Variants in ELMO1 observed in about 807,000 individuals in gnomAD.
The protein encoded by ELMO1 is engulfment and cell motility 1, also known as engulfment and cell motility protein 1.
ELMO1 carries 26 observed loss-of-function variants against 98.9 expected under a neutral mutation model. The observed-to-expected ratio is 0.26, with a 90% CI of 0.19 to 0.36. The LOEUF (loss-of-function observed/expected upper bound fraction) is 0.36. Among genes scored for constraint, ELMO1 ranks in the 10% least tolerant of loss-of-function variants. The pLI, the probability that ELMO1 is intolerant of heterozygous loss-of-function variation, is 1.00. For missense variants in ELMO1, 627 were observed against 935.2 expected (o/e 0.67, Z 4.30); for synonymous variants, 346 against 346.0 (o/e 1.00, Z 0.00).
chr7:37,392,503 T>C (rs952637345), intron 1 of ELMO1, among the ~76,000 whole-genome samples: 2 of 152,196 alleles, frequency 1.3e-5, no homozygotes, highest in African/African-American at 4.8e-5. Flanking sequence ...GAAGCAGAGG[T>C]GGCCAACCAT....
intron 1 of ELMO1, among the ~76,000 whole-genome samples, chr7:37,362,617 C>T (rs1213462585): frequency 6.6e-6 from 1 of 152,090 alleles, no homozygotes; most frequent in Non-Finnish European, 1.5e-5. Context: ...CTTCCTTCTT[C>T]CCTCCCTCCC....
chr7:37,433,938 C>A (rs2131571740), intron 1 of ELMO1, among the ~76,000 whole-genome samples: 1 of 152,272 alleles, frequency 6.6e-6, no homozygotes, highest in Admixed American at 6.5e-5. Context: ...GTCCCCGAAC[C>A]TCATCTGGGA....
chr7:37,273,880 C>T (rs1019107031), intron 4 of ELMO1, among the ~76,000 whole-genome samples: 14 of 152,198 alleles, frequency 9.2e-5, no homozygotes, highest in African/African-American at 2.4e-4. Context: ...CCAATTCTGA[C>T]GATTTTTTGG....
intron 18 of ELMO1, among the ~76,000 whole-genome samples, chr7:36,883,370 C>A (rs1259006783): frequency 6.6e-6 from 1 of 152,166 alleles, no homozygotes; most frequent in East Asian, 1.9e-4. Context: ...AGTTCTTGAG[C>A]CTACAGATTC....
chr7:37,195,689 TCTC>T (rs1791923991), intron 13 of ELMO1, among the ~76,000 whole-genome samples: 1 of 152,182 alleles, frequency 6.6e-6, no homozygotes, highest in African/African-American at 2.4e-5. Flanking sequence ...GCGTGGCTCT[TCTC>T]CTAACAGACC....
At chr7:37,006,519 G>A (rs1228624431) in intron 16 of ELMO1, among the ~76,000 whole-genome samples, 1 of 152,180 alleles carries the variant, frequency 6.6e-6, no homozygotes, top group Non-Finnish European at 1.5e-5. Flanking sequence ...ATTCAGCCTT[G>A]GTTCTTGCCT....
At chr7:37,024,214 T>C (rs931196311) in intron 15 of ELMO1, among the ~76,000 whole-genome samples, 4 of 152,208 alleles carry the variant, frequency 2.6e-5, no homozygotes, top group Non-Finnish European at 5.9e-5. Context: ...GTTTGGATCC[T>C]GGCACTGCCA....
chr7:36,999,162 C>T (rs138646516), intron 16 of ELMO1, among the ~76,000 whole-genome samples: 7 of 152,162 alleles, frequency 4.6e-5, no homozygotes, highest in Admixed American at 2.0e-4. Flanking sequence ...CCCCGGGTCA[C>T]GCAGGAGGTC....
intron 5 of ELMO1, among the ~76,000 whole-genome samples, chr7:37,268,486 T>C (rs1796376457): frequency 2.0e-5 from 3 of 152,270 alleles, no homozygotes; most frequent in African/African-American, 7.2e-5. Flanking sequence ...TTTTTAGTAG[T>C]GATGGGGTTT....
chr7:37,212,756 C>T (rs1793050881), intron 12 of ELMO1, among the ~76,000 whole-genome samples: 1 of 152,180 alleles, frequency 6.6e-6, no homozygotes, highest in African/African-American at 2.4e-5. Flanking sequence ...GGCAGGGCTC[C>T]CAGCTGTTTC....
At chr7:37,224,813 C>T in intron 9 of ELMO1, 66 bp downstream of exon 9, 1 of 1,575,360 alleles carries the variant, frequency 6.3e-7, no homozygotes, top group Non-Finnish European at 8.6e-7. Context: ...AAAACGTTTC[C>T]CAGTGCATTA....
chr7:37,231,853 A>T (rs546886369), intron 8 of ELMO1, among the ~76,000 whole-genome samples: 30 of 151,418 alleles, frequency 2.0e-4, no homozygotes, highest in African/African-American at 6.8e-4. Flanking sequence ...GTCTGTACTA[A>T]TTTTTTTTTA....
intron 16 of ELMO1, among the ~76,000 whole-genome samples, chr7:36,904,199 C>T (rs1175877660): frequency 6.6e-6 from 1 of 152,270 alleles, no homozygotes; most frequent in African/African-American, 2.4e-5. Context: ...AGGCTTGTGG[C>T]TGGCAGTGTC....
At chr7:36,956,458 G>T (rs1208820198) in intron 16 of ELMO1, among the ~76,000 whole-genome samples, 1 of 152,044 alleles carries the variant, frequency 6.6e-6, no homozygotes, top group Non-Finnish European at 1.5e-5. Context: ...CTACATCCAA[G>T]AAGTAATTTC....
At chr7:37,395,639 T>C (rs1188049090) in intron 1 of ELMO1, among the ~76,000 whole-genome samples, 1 of 151,852 alleles carries the variant, frequency 6.6e-6, no homozygotes, top group African/African-American at 2.4e-5. Context: ...ATTTACATGA[T>C]GGAAGATGAA....
At chr7:36,866,879 C>T (rs897470470) in intron 20 of ELMO1, among the ~76,000 whole-genome samples, 10 of 152,194 alleles carry the variant, frequency 6.6e-5, no homozygotes, top group African/African-American at 2.4e-4. Flanking sequence ...AGGAGGGCAC[C>T]TCTGGAGTAC....
chr7:37,166,254 G>A (rs950797195), intron 13 of ELMO1, among the ~76,000 whole-genome samples: 8 of 151,966 alleles, frequency 5.3e-5, no homozygotes, highest in East Asian at 1.9e-4. Context: ...TCTTGCTAGC[G>A]GTCAATCAAC....
chr7:37,439,076 T>C (rs1410702442), intron 1 of ELMO1, among the ~76,000 whole-genome samples: 2 of 152,238 alleles, frequency 1.3e-5, no homozygotes, highest in Admixed American at 1.3e-4. Flanking sequence ...GCTTTGTTTA[T>C]TTATTCATCT....
intron 16 of ELMO1, among the ~76,000 whole-genome samples, chr7:36,901,873 T>C (rs1783581426): frequency 6.6e-6 from 1 of 152,222 alleles, no homozygotes. Context: ...TGTTTTATAA[T>C]ACATGCAGGG....
Sources: gnomAD v4.1 joint callset for allele counts (sites outside exome capture counted in the v4.1 genomes callset) on GRCh38, gnomAD v4.1.1 for gene constraint, MANE v1.5 for transcripts, NCBI Gene and HGNC (gene_info 2026-07-23, HGNC 2026-07-21) for gene names.